ZRANB3: variants seen among roughly 807,000 people sequenced by gnomAD.
ZRANB3 encodes the protein zinc finger RANBP2-type containing 3, also known as DNA annealing helicase and endonuclease ZRANB3.
A neutral mutation model predicts 133.8 loss-of-function variants in ZRANB3; 125 were observed. That is an observed-to-expected ratio of 0.93 (90% CI 0.81 to 1.08). The LOEUF (loss-of-function observed/expected upper bound fraction) is 1.08, where lower values mean the gene tolerates loss of function less well. ZRANB3 is among the 50% of genes least tolerant of loss of function. The probability of loss-of-function intolerance (pLI) is 0.00; values close to 1 mark genes in which losing one functional copy is unlikely to be tolerated. For synonymous variants in ZRANB3, 387 were observed against 432.7 expected (o/e 0.89, Z 1.31); for missense variants, 1,229 against 1,275.5 (o/e 0.96, Z 0.56).
At chr2:135,443,207 A>G (rs1378901491) in intron 2 of ZRANB3, among the ~76,000 whole-genome samples, 1 of 152,150 alleles carries the variant, frequency 6.6e-6, no homozygotes, top group African/African-American at 2.4e-5. Context: ...AAAAAGGACG[A>G]GTTCATGTCC....
intron 12 of ZRANB3, among the ~76,000 whole-genome samples, chr2:135,263,778 T>C (rs540223696): frequency 6.6e-6 from 1 of 151,748 alleles, no homozygotes; most frequent in African/African-American, 2.4e-5. Context: ...AAGTTCATAG[T>C]AATTTTTTTT....
chr2:135,420,793 G>A (rs551813467), intron 2 of ZRANB3, among the ~76,000 whole-genome samples: 1 of 152,058 alleles, frequency 6.6e-6, no homozygotes, highest in Non-Finnish European at 1.5e-5. Context: ...ATTCAAAAGA[G>A]ATATAAGTAC....
chr2:135,514,682 T>C (rs1405438804), intron 1 of ZRANB3, among the ~76,000 whole-genome samples: 1 of 152,164 alleles, frequency 6.6e-6, no homozygotes, highest in African/African-American at 2.4e-5. Context: ...CTATGCTGAA[T>C]AGGAGTGGTG....
In ZRANB3 at chr2:135,217,519, A is replaced by C; in HGVS notation, c.2441T>G (p.Ile814Ser). ...CTTTGTGATCTCTTCCAAAGCAAGA[A>C]TTGGGCTACAGAATAGCTGTCCACT... is the stretch of plus-strand genomic sequence containing the variant. ...RKSGQLFCSP[I>S]LALEEITKQQ... Residue 814 changes from isoleucine (I) to serine (S), a missense_variant, in exon 17 of 21, where the codon ATT becomes AGT. Coordinates refer to ENST00000264159, the MANE Select transcript of ZRANB3 (RefSeq NM_032143.4). 3.1e-6 allele frequency: 5 copies of C among 1,613,708 alleles called. No individual in the cohort carries two copies. The South Asian group carries it at 5.5e-5, about 18-fold the overall frequency.
intron 2 of ZRANB3, among the ~76,000 whole-genome samples, chr2:135,412,950 G>A (rs570850472): frequency 1.3e-5 from 2 of 152,080 alleles, no homozygotes; most frequent in South Asian, 2.1e-4. Context: ...GTATTACTCT[G>A]GATCTATTAT....
At chr2:135,268,549 A>C (rs1056179581) in intron 11 of ZRANB3, among the ~76,000 whole-genome samples, 1 of 152,228 alleles carries the variant, frequency 6.6e-6, no homozygotes, top group Non-Finnish European at 1.5e-5. Flanking sequence ...GGACAGAGCA[A>C]GCAATGTCAT....
At chr2:135,283,896 T>C (rs1303975144) in intron 8 of ZRANB3, among the ~76,000 whole-genome samples, 3 of 151,408 alleles carry the variant, frequency 2.0e-5, no homozygotes, top group East Asian at 2.0e-4. Flanking sequence ...GTGGGAGGAC[T>C]GCTTGAGCCC....
At chr2:135,455,013 A>G (rs1319099123) in intron 2 of ZRANB3, among the ~76,000 whole-genome samples, 1 of 152,094 alleles carries the variant, frequency 6.6e-6, no homozygotes, top group Non-Finnish European at 1.5e-5. Context: ...CCAACAAAAG[A>G]GGCACCAGAA....
intron 8 of ZRANB3, among the ~76,000 whole-genome samples, chr2:135,291,278 A>T (rs1018947243): frequency 6.6e-6 from 1 of 151,868 alleles, no homozygotes; most frequent in African/African-American, 2.4e-5. Context: ...TGCCTTCTAG[A>T]TTCAAGCGAT....
intron 8 of ZRANB3, among the ~76,000 whole-genome samples, chr2:135,288,768 T>C (rs1681525115): frequency 1.3e-5 from 2 of 152,302 alleles, no homozygotes; most frequent in East Asian, 3.9e-4. Context: ...TTTTCATTTC[T>C]AATTGAGCCT....
chr2:135,284,914 T>C (rs1267114998), intron 8 of ZRANB3, among the ~76,000 whole-genome samples: 1 of 151,112 alleles, frequency 6.6e-6, no homozygotes, highest in Non-Finnish European at 1.5e-5. Flanking sequence ...GGTGCACTCT[T>C]GGCTCGCTGC....
At chr2:135,313,325 C>G (rs1174559118) in intron 8 of ZRANB3, among the ~76,000 whole-genome samples, 164 bp downstream of exon 8, 2 of 148,562 alleles carry the variant, frequency 1.3e-5, no homozygotes, top group African/African-American at 5.0e-5. Flanking sequence ...TGCATTCCAG[C>G]CAGGGTGACA....
intron 3 of ZRANB3, among the ~76,000 whole-genome samples, chr2:135,387,924 C>T (rs1236488095): frequency 2.6e-5 from 4 of 152,080 alleles, no homozygotes; most frequent in Non-Finnish European, 5.9e-5. Context: ...GGGTTCATGA[C>T]CTCTGCATAC....
intron 2 of ZRANB3, among the ~76,000 whole-genome samples, chr2:135,407,905 T>G (rs1219079915): frequency 1.4e-5 from 2 of 145,680 alleles, no homozygotes; most frequent in African/African-American, 2.8e-5. Flanking sequence ...ATTCAGGACA[T>G]AGGCATGGGC....
At chr2:135,466,851 T>A (rs995607139) in intron 2 of ZRANB3, among the ~76,000 whole-genome samples, 1 of 152,076 alleles carries the variant, frequency 6.6e-6, no homozygotes, top group Non-Finnish European at 1.5e-5. Flanking sequence ...CTAATTTTTG[T>A]ATTTTTTGTA....
intron 8 of ZRANB3, among the ~76,000 whole-genome samples, chr2:135,298,548 T>C (rs1266972992): frequency 6.6e-6 from 1 of 152,170 alleles, no homozygotes; most frequent in Non-Finnish European, 1.5e-5. Flanking sequence ...CCCCTAAAGA[T>C]GGGCCTTCCT....
At chr2:135,419,590 C>G (rs1378258899) in intron 2 of ZRANB3, among the ~76,000 whole-genome samples, 2 of 151,856 alleles carry the variant, frequency 1.3e-5, no homozygotes, top group Non-Finnish European at 2.9e-5. Context: ...CACCCATATA[C>G]AAGTTCTAAA....
chr2:135,467,527 A>T (rs1691054060), intron 2 of ZRANB3, among the ~76,000 whole-genome samples: 1 of 152,192 alleles, frequency 6.6e-6, no homozygotes, highest in Admixed American at 6.5e-5. Flanking sequence ...GGCAAACTCT[A>T]AATTGGTGTT....
At chr2:135,306,528 G>A (rs371799615) in intron 8 of ZRANB3, among the ~76,000 whole-genome samples, 12 of 150,122 alleles carry the variant, frequency 8.0e-5, no homozygotes, top group Admixed American at 1.3e-4. Flanking sequence ...TTCTGACCTC[G>A]TGATCCACCC....
Sources: allele counts gnomAD v4.1 joint callset (sites outside exome capture counted in the v4.1 genomes callset), GRCh38; gene constraint gnomAD v4.1.1; transcripts MANE v1.5; gene names NCBI Gene and HGNC (gene_info 2026-07-23, HGNC 2026-07-21).